KATNBL1: variants seen among roughly 807,000 people sequenced by gnomAD.
KATNBL1 encodes KATNB1-like protein 1.
A neutral mutation model predicts 44.7 loss-of-function variants in KATNBL1; 28 were observed. That is an observed-to-expected ratio of 0.63 (90% CI 0.46 to 0.86). The LOEUF (loss-of-function observed/expected upper bound fraction) is 0.86, where lower values mean the gene tolerates loss of function less well. KATNBL1 is among the 40% of genes least tolerant of loss of function. KATNBL1 has a pLI of 0.00. For missense variants in KATNBL1, 272 were observed against 350.7 expected (o/e 0.78, Z 1.79); for synonymous variants, 78 against 114.9 (o/e 0.68, Z 2.06).
intron 1 of KATNBL1, among the ~76,000 whole-genome samples, chr15:34,190,824 T>C (rs978669141): frequency 1.3e-5 from 2 of 152,182 alleles, no homozygotes; most frequent in Admixed American, 6.5e-5. Flanking sequence ...TTCAACTGCC[T>C]GTTACCAACT....
intron 1 of KATNBL1, among the ~76,000 whole-genome samples, chr15:34,195,701 A>AC (rs1243749814): frequency 1.3e-5 from 2 of 151,714 alleles, no homozygotes; most frequent in Non-Finnish European, 2.9e-5. Flanking sequence ...AAAAAAAAAA[A>AC]AAACCCAAAA....
chr15:34,178,592 C>T (rs139234331), intron 1 of KATNBL1, among the ~76,000 whole-genome samples: 2,262 of 152,008 alleles, frequency 0.015, 58 homozygotes, highest in African/African-American at 0.052. Context: ...CCTGTCTCTA[C>T]TAAAAATACA....
intron 1 of KATNBL1, among the ~76,000 whole-genome samples, chr15:34,172,592 A>G (rs1348706247): frequency 2.0e-5 from 3 of 152,308 alleles, no homozygotes; most frequent in Non-Finnish European, 4.4e-5. Context: ...TGATCAAGTG[A>G]AAGTTTACAT....
chr15:34,177,353 A>C (rs1330650353), intron 1 of KATNBL1, among the ~76,000 whole-genome samples: 4 of 152,162 alleles, frequency 2.6e-5, no homozygotes, highest in African/African-American at 9.7e-5. Flanking sequence ...CAAAGGATTA[A>C]ACAGCTCTAG....
chr15:34,175,729 C>T (rs563518813), intron 1 of KATNBL1, among the ~76,000 whole-genome samples: 83 of 152,156 alleles, frequency 5.5e-4, no homozygotes, highest in Non-Finnish European at 1.1e-3. Context: ...CGCATTACTA[C>T]GGGAATGTAA....
intron 1 of KATNBL1, among the ~76,000 whole-genome samples, chr15:34,184,576 C>CTTTTCTTTTTT (rs760395860): frequency 0.3 from 28,129 of 92,536 alleles, 6,627 homozygotes; most frequent in Middle Eastern, 0.46. Context: ...CCTAATGTTT[C>CTTTTCTTTTTT]TTTTTTTTTT....
intron 2 of KATNBL1, among the ~76,000 whole-genome samples, chr15:34,159,860 G>T (rs571185151): frequency 1.3e-5 from 2 of 152,204 alleles, no homozygotes; most frequent in African/African-American, 4.8e-5. Context: ...TAAGAGTTTT[G>T]CTCTAAACCC....
rs1888526727 is a variant in KATNBL1, at chr15:34,152,927, C to A, written c.301G>T (p.Glu101Ter). ...TGGCCTGCACAAGCCAGTTCATTTT[C>A]TTTATTTGCCATGTCACAGCCCCCA... ...GSGGCDMANK[E>*]NELACAGHLP... The change falls in exon 4 of 10, where the codon GAA becomes TAA. Residue 101 changes from glutamate to a stop codon, truncating the protein, a stop_gained. Coordinates refer to ENST00000256544, the MANE Select transcript of KATNBL1 (RefSeq NM_024713.3). LOFTEE classifies it high-confidence loss of function. The A allele has an allele frequency of 6.2e-7, 1 of 1,613,944 alleles. No individual in the cohort carries two copies. The highest frequency in any genetic ancestry group is 1.7e-5 in the Admixed American group (1 of 59,994).
At chr15:34,177,649 T>G (rs1052359061) in intron 1 of KATNBL1, among the ~76,000 whole-genome samples, 3 of 16,428 alleles carry the variant, frequency 1.8e-4, no homozygotes, top group Non-Finnish European at 3.5e-4. Flanking sequence ...AAAAAAGGAT[T>G]AAACAGCTCG....
chr15:34,147,323 G>A (rs79165488), intron 6 of KATNBL1, 34 bp from the exon 7 acceptor site: 1 of 1,583,436 alleles, frequency 6.3e-7, no homozygotes, highest in South Asian at 1.1e-5. Context: ...AAATATGGAT[G>A]GGCCATAATT....
chr15:34,175,691 G>T (rs1362522917), intron 1 of KATNBL1, among the ~76,000 whole-genome samples: 1 of 152,194 alleles, frequency 6.6e-6, no homozygotes, highest in Non-Finnish European at 1.5e-5. Context: ...ACAATGTTGA[G>T]AAAGATGTGG....
chr15:34,197,770 C>T (rs1485479549), intron 1 of KATNBL1, among the ~76,000 whole-genome samples: 7 of 151,984 alleles, frequency 4.6e-5, no homozygotes, highest in Non-Finnish European at 1.0e-4. Context: ...TTTTTTGAGA[C>T]GGAGTCTCGC....
chr15:34,143,883 C>T (rs993147459), intron 9 of KATNBL1, among the ~76,000 whole-genome samples: 5 of 133,532 alleles, frequency 3.7e-5, no homozygotes, highest in African/African-American at 5.6e-5. Flanking sequence ...AGGAGAATGG[C>T]GTGAACCTGG....
In KATNBL1 at chr15:34,210,053, G is replaced by A. The variant is rs529020299; in HGVS notation, c.-117C>T. 6.6e-6 allele frequency: 1 copy of A among 151,988 alleles called. No individual in the cohort carries two copies. The highest frequency in any genetic ancestry group is 2.4e-5 in the African/African-American group (1 of 41,540). 9.4% of individuals were successfully genotyped at this position (151,988 alleles called of 1,614,324 possible). On this transcript the variant is annotated 5_prime_UTR_variant, in exon 1 of 10. Transcript: ENST00000256544. The stretch of plus-strand genomic sequence containing the variant: ...CGGCTTCTGGGCCGAGTCCCACTCA[G>A]GGCCATTCAAACGCGGCCGCGCGCG...
At chr15:34,208,266 A>C (rs1370932073) in intron 1 of KATNBL1, among the ~76,000 whole-genome samples, 1 of 152,104 alleles carries the variant, frequency 6.6e-6, no homozygotes, top group Non-Finnish European at 1.5e-5. Context: ...TCTTTCTACC[A>C]AGTCCCCAAA....
chr15:34,204,168 A>G (rs1438840263), intron 1 of KATNBL1, among the ~76,000 whole-genome samples: 1 of 152,174 alleles, frequency 6.6e-6, no homozygotes, highest in Non-Finnish European at 1.5e-5. Flanking sequence ...GCACAGGCCC[A>G]GACAGCTCAT....
In KATNBL1 at chr15:34,199,361, C is replaced by A. The variant is rs59654806; in HGVS notation, c.-15+10590G>T. ...CTAAGGCAGGAGAATCTCTTGAACCCGGGAGGTGGAGGTTGCAATGAGCCT... is the reference window on the plus strand; with the variant it reads ...CTAAGGCAGGAGAATCTCTTGAACCAGGGAGGTGGAGGTTGCAATGAGCCT... On this transcript the variant is annotated intron_variant, in intron 1 of 9. Transcript: ENST00000256544. 5.3e-3 allele frequency among the ~76,000 whole-genome samples: 811 copies of A among 152,260 alleles called. 9 individuals are homozygous for A. The highest frequency in any genetic ancestry group is 0.018 in the African/African-American group (765 of 41,534).
At position 34,188,137 on chromosome 15, in the gene KATNBL1, T is replaced by TAAAAAAAAAAA. The variant is rs1201268078; in HGVS notation, c.-15+21803_-15+21813dup. On this transcript the variant is annotated intron_variant, in intron 1 of 9. Coordinates refer to ENST00000256544, the MANE Select transcript of KATNBL1 (RefSeq NM_024713.3). ...CTGGGTGACAGAGGAAGACGCCATGTAAAAAAAAAAAAAAAAAAAAAAAAA... is the reference window on the plus strand; with the variant it reads ...CTGGGTGACAGAGGAAGACGCCATGTAAAAAAAAAAAAAAAAAAAAAAAAAAAAAAAAAAAA... 5.6e-3 allele frequency among the ~76,000 whole-genome samples: 123 copies of TAAAAAAAAAAA among 22,100 alleles called. 14 individuals carry two copies. The highest frequency in any genetic ancestry group is 0.016 in the East Asian group (7 of 450). 14.5% of individuals were successfully genotyped at this position (22,100 alleles called of 152,430 possible). A position where few individuals can be genotyped will look rare whatever the true frequency, so the allele number is the denominator to read the frequency against.
At chr15:34,152,721 G>T in intron 4 of KATNBL1, 69 bp downstream of exon 4, 2 of 1,302,460 alleles carry the variant, frequency 1.5e-6, no homozygotes, top group Non-Finnish European at 2.1e-6. Context: ...GTGGAATATG[G>T]CAAAGAAAAA....
Sources: gnomAD v4.1 joint callset for allele counts (sites outside exome capture counted in the v4.1 genomes callset) on GRCh38, gnomAD v4.1.1 for gene constraint, MANE v1.5 for transcripts, NCBI Gene and HGNC (gene_info 2026-07-23, HGNC 2026-07-21) for gene names.